The following SLC9A7 variants were observed in gnomAD, a reference collection of about 807,000 sequenced individuals.
The protein encoded by SLC9A7 is solute carrier family 9 member A7, also known as sodium/hydrogen exchanger 7.
SLC9A7 carries 19 observed loss-of-function variants against 52.6 expected under a neutral mutation model. The observed-to-expected ratio is 0.36, with a 90% confidence interval of 0.25 to 0.53. The LOEUF (loss-of-function observed/expected upper bound fraction) is 0.53, where lower values mean the gene tolerates loss of function less well. SLC9A7 is among the 20% of genes least tolerant of loss of function. SLC9A7 has a pLI of 0.91. For missense variants in SLC9A7, 455 were observed against 597.9 expected, an observed-to-expected ratio of 0.76 and a Z score of 2.49; for synonymous variants, 226 against 252.1, an observed-to-expected ratio of 0.90 and a Z score of 0.98.
intron 12 of SLC9A7, among the ~76,000 whole-genome samples, chrX:46,639,076 C>T (rs1324025347): frequency 8.9e-6 from 1 of 111,867 alleles, no homozygotes; most frequent in Admixed American, 9.4e-5. Context: ...CAATGTAATT[C>T]ACTATATTAA....
intron 14 of SLC9A7, among the ~76,000 whole-genome samples, chrX:46,628,251 G>A (rs974324117): frequency 3.6e-5 from 4 of 112,614 alleles, no homozygotes; most frequent in Non-Finnish European, 5.6e-5. Flanking sequence ...TCAGCTGTCT[G>A]GTCTGGCATG....
Position 46,606,997 on chromosome X carries a change from C to A in SLC9A7, c.2136G>T (p.Ser712=), listed in dbSNP as rs146058303. ...RDLGMGDQKV[S]SRGTRLVFPL... ...GAAACACTAGGCGGGTGCCCCGGCT[C>A]GAAACCTTCTGGTCTCCCATTCCCA... Residue 712 remains serine, a synonymous_variant, in exon 17 of 17, where the codon TCG becomes TCT. Transcript: ENST00000616978. The A allele has an allele frequency of 8.3e-7, 1 of 1,211,350 alleles. No individual in the cohort carries two copies.
intron 4 of SLC9A7, among the ~76,000 whole-genome samples, chrX:46,671,351 C>T (rs1944017210): frequency 9.0e-6 from 1 of 110,605 alleles, no homozygotes; most frequent in South Asian, 3.9e-4. Context: ...AGCTCCGCCT[C>T]CCGGGTTCAT....
At position 46,600,005 on chromosome X, in the gene SLC9A7, G is replaced by A. The variant is rs1942636375; in HGVS notation, c.*6947C>T. On this transcript the variant is annotated 3_prime_UTR_variant, in exon 17 of 17. Coordinates refer to ENST00000616978, the MANE Select transcript of SLC9A7 (RefSeq NM_001257291.2). ...ACAACTTTCCAAGTAAAAAGTACCA[G>A]ATGTATTTTATGTGAAAAACAAAAG... 8.9e-6 allele frequency: 1 copy of A among 112,002 alleles called. No individual in the cohort carries two copies. The allele number at this position is 112,002 out of a possible 1,213,427, so 9.2% of individuals were successfully genotyped here. A position where few individuals can be genotyped will look rare whatever the true frequency, so the allele number is the denominator to read the frequency against.
chrX:46,665,526 C>G (rs923120432), intron 5 of SLC9A7, among the ~76,000 whole-genome samples: 3 of 94,275 alleles, frequency 3.2e-5, no homozygotes, highest in African/African-American at 1.3e-4. Flanking sequence ...AGGATGCACT[C>G]CAGCCTGGGC....
At chrX:46,644,059 G>C (rs916172468) in intron 11 of SLC9A7, among the ~76,000 whole-genome samples, 3 of 112,259 alleles carry the variant, frequency 2.7e-5, no homozygotes, top group Non-Finnish European at 5.6e-5. Context: ...AATGAAAAGA[G>C]GGAAATTCTT....
chrX:46,705,659 ATGT>A (rs995086016), intron 1 of SLC9A7, among the ~76,000 whole-genome samples: 1 of 111,716 alleles, frequency 9.0e-6, no homozygotes, highest in African/African-American at 3.3e-5. Flanking sequence ...ACACAGTGAG[ATGT>A]TGTCTCTACA....
intron 14 of SLC9A7, among the ~76,000 whole-genome samples, chrX:46,629,182 G>A (rs1943183111): frequency 9.0e-6 from 1 of 111,659 alleles, no homozygotes; most frequent in Non-Finnish European, 1.9e-5. Flanking sequence ...CAAACAGGGT[G>A]CCATTAGGAG....
intron 4 of SLC9A7, 43 bp downstream of exon 4, chrX:46,672,508 T>C (rs757604131): frequency 9.8e-7 from 1 of 1,025,214 alleles, no homozygotes; most frequent in South Asian, 1.9e-5. Flanking sequence ...CTCATCCCTA[T>C]GGAACGTGTG....
chrX:46,669,094 G>A lies in SLC9A7; in HGVS notation c.793+513C>T. 2.8e-5 allele frequency among the ~76,000 whole-genome samples: 3 copies of A among 107,786 alleles called. No individual in the cohort carries two copies. In the Middle Eastern group the frequency reaches 0.014, roughly 506 times the overall value. 93.6% of individuals were successfully genotyped at this position (107,786 alleles called of 115,157 possible). A position where few individuals can be genotyped will look rare whatever the true frequency, so the allele number is the denominator to read the frequency against. ...GAGGCAGGAGAATGGCGTGAACATG[G>A]GAGGTAGAGTCTGCAGTGAGCCGAG... On this transcript the variant is annotated intron_variant, in intron 5 of 16. Transcript: ENST00000616978.
chrX:46,727,221 TCAGCCACA>T (rs937688937), intron 1 of SLC9A7, among the ~76,000 whole-genome samples: 7 of 112,046 alleles, frequency 6.2e-5, no homozygotes, highest in African/African-American at 1.9e-4. Flanking sequence ...TACCCTAAAC[TCAGCCACA>T]CAGCCTGCTT....
chrX:46,673,655 G>A (rs985248537), intron 3 of SLC9A7, among the ~76,000 whole-genome samples: 1 of 112,172 alleles, frequency 8.9e-6, no homozygotes, highest in Non-Finnish European at 1.9e-5. Flanking sequence ...TGTCAGCTGA[G>A]CAACATCAGA....
At position 46,607,043 on chromosome X, in the gene SLC9A7, T is replaced by C. The variant is rs1188692691; in HGVS notation, c.2090A>G (p.Glu697Gly). The C allele has an allele frequency of 3.3e-6, 4 of 1,209,486 alleles. No homozygotes were observed. The highest frequency in any genetic ancestry group is 3.5e-5 in the South Asian group (2 of 56,770). The change falls in exon 17 of 17, where the codon GAG (glutamate) becomes GGG (glycine). Residue 697 changes from glutamate to glycine, a missense_variant. Physicochemically the swap from Glu to Gly is moderately conservative, Grantham distance 98. Coordinates refer to ENST00000616978, the MANE Select transcript of SLC9A7 (RefSeq NM_001257291.2). ...TCCCAGGTCTCGCTCCAGCACTTCC[T>C]CCGAGCTGCTCTTCGTTCTCCGGCT... is the stretch of plus-strand genomic sequence containing the variant. ...EGSRRTKSSS[E>G]EVLERDLGMG... is the part of the protein sequence containing the mutation.
chrX:46,731,450 A>T (rs769722781), intron 1 of SLC9A7, among the ~76,000 whole-genome samples: 1 of 103,271 alleles, frequency 9.7e-6, no homozygotes, highest in South Asian at 4.4e-4. Context: ...ATTAAAATTA[A>T]AATTAGCCAG....
rs1209039574 is a variant in SLC9A7 at position 46,759,048 on chromosome X, G to C, written c.-19C>G. On this transcript the variant is annotated 5_prime_UTR_variant, in exon 1 of 17. Transcript: ENST00000616978. ...GCTCCATGGTCCCGGGGCCCCCCGC[G>C]CCTCCTCCGAGCGGGGACCAGCAGC... is the stretch of plus-strand genomic sequence containing the variant. 1 of 907,520 alleles carries C rather than the reference G, an allele frequency of 1.1e-6. No individual in the cohort carries two copies. Among genetic ancestry groups the C allele is most frequent in the Non-Finnish European group, 1.4e-6 (1 of 736,248 alleles). 74.8% of individuals were successfully genotyped at this position (907,520 alleles called of 1,213,427 possible).
chrX:46,655,522 T>G (rs958249136), intron 7 of SLC9A7, among the ~76,000 whole-genome samples: 11 of 111,390 alleles, frequency 9.9e-5, no homozygotes, highest in Non-Finnish European at 1.9e-4. Context: ...GCGCACCATG[T>G]GCGAGCCGAA....
At chrX:46,626,110 C>T (rs964608229) in intron 14 of SLC9A7, among the ~76,000 whole-genome samples, 2 of 111,629 alleles carry the variant, frequency 1.8e-5, no homozygotes, top group Non-Finnish European at 3.8e-5. Flanking sequence ...AGTTCAAGAC[C>T]AGCCCCAACA....
In SLC9A7 at chrX:46,602,216, C is replaced by T. The variant is rs963401180; in HGVS notation, c.*4736G>A. The T allele has an allele frequency of 6.3e-5, 7 of 111,713 alleles. No homozygotes were observed. The highest frequency in any genetic ancestry group is 5.7e-4 in the Admixed American group (6 of 10,547). The allele number at this position is 111,713 out of a possible 1,213,427, so 9.2% of individuals were successfully genotyped here. The stretch of plus-strand genomic sequence containing the variant: ...AGTCACCCTTCTCTTTCCTCGAAGG[C>T]TCCAAGGTTTTCGTGATCTTTTCAG... On this transcript the variant is annotated 3_prime_UTR_variant, in exon 17 of 17. Coordinates refer to ENST00000616978, the MANE Select transcript of SLC9A7 (RefSeq NM_001257291.2).
In SLC9A7 at chrX:46,604,474, C is replaced by T. The variant is rs1195534273; in HGVS notation, c.*2478G>A. 3 of 109,142 alleles carry T rather than the reference C, an allele frequency of 2.7e-5. No individual in the cohort carries two copies. Among genetic ancestry groups the T allele is most frequent in the South Asian group, 4.1e-4 (1 of 2,436 alleles). 9.0% of individuals were successfully genotyped at this position (109,142 alleles called of 1,213,427 possible). Reference sequence around the variant, plus strand: ...TTGAGGCAGGGTCTCATTCTGTTGCCCAGACTGGATTGCAGTGGCATGATC... The same window carrying T: ...TTGAGGCAGGGTCTCATTCTGTTGCTCAGACTGGATTGCAGTGGCATGATC... On this transcript the variant is annotated 3_prime_UTR_variant, in exon 17 of 17. Transcript: ENST00000616978.
Sources: gnomAD v4.1 joint callset for allele counts (sites outside exome capture counted in the v4.1 genomes callset) on GRCh38, gnomAD v4.1.1 for gene constraint, MANE v1.5 for transcripts, NCBI Gene and HGNC (gene_info 2026-07-23, HGNC 2026-07-21) for gene names.